TMPRSS11F: variants seen among roughly 807,000 people sequenced by gnomAD.
The protein encoded by TMPRSS11F is transmembrane protease serine 11F.
Under a neutral mutation model 60.2 loss-of-function variants are expected in TMPRSS11F, and 47 were observed. The ratio of observed to expected loss-of-function variants is 0.78; its 90% confidence interval spans 0.62 to 1.00. The LOEUF (loss-of-function observed/expected upper bound fraction) is 1.00. Ranked by LOEUF, TMPRSS11F falls within the 50% of genes least tolerant of loss-of-function variation. TMPRSS11F has a pLI of 0.00. For missense variants in TMPRSS11F, 519 were observed against 522.9 expected, an observed-to-expected ratio of 0.99 and a Z score of 0.07; for synonymous variants, 166 against 167.3, an observed-to-expected ratio of 0.99 and a Z score of 0.06.
Position 68,055,157 on chromosome 4 carries a change from G to A in TMPRSS11F, c.1159-1090C>T, listed in dbSNP as rs114539936. The stretch of plus-strand genomic sequence containing the variant: ...TGGATGTAGAGAGGAGTGTAAGAGG[G>A]GCAAATAGTGTGTGATGAGTCTGGA... On this transcript the variant is annotated intron_variant, in intron 9 of 9. Coordinates refer to ENST00000356291, the MANE Select transcript of TMPRSS11F (RefSeq NM_207407.2). Among the ~76,000 whole-genome samples, 772 of 152,270 alleles carry A rather than the reference G, an allele frequency of 5.1e-3. 7 individuals carry two copies. Among genetic ancestry groups the A allele is most frequent in the African/African-American group, 0.018 (750 of 41,546 alleles).
At chr4:68,108,615 T>C (rs939901165) in intron 1 of TMPRSS11F, among the ~76,000 whole-genome samples, 2 of 152,166 alleles carry the variant, frequency 1.3e-5, no homozygotes, top group Admixed American at 1.3e-4. Context: ...ATGTACCCAA[T>C]GAGCACACCT....
chr4:68,093,742 A>G (rs1724003395), intron 2 of TMPRSS11F, among the ~76,000 whole-genome samples: 1 of 152,030 alleles, frequency 6.6e-6, no homozygotes, highest in African/African-American at 2.4e-5. Flanking sequence ...GGCGAAGGAC[A>G]TGAACAGACA....
At chr4:68,062,964 A>G (rs1290743438) in intron 8 of TMPRSS11F, 1 of 736,564 alleles carries the variant, frequency 1.4e-6, no homozygotes. Context: ...TCTGGAACTG[A>G]CCCGTCTTCG....
chr4:68,063,785 T>C (rs1208698522), intron 8 of TMPRSS11F, among the ~76,000 whole-genome samples: 1 of 152,068 alleles, frequency 6.6e-6, no homozygotes, highest in African/African-American at 2.4e-5. Flanking sequence ...CCCTAGCAGG[T>C]TGGACACAGG....
intron 1 of TMPRSS11F, among the ~76,000 whole-genome samples, chr4:68,129,415 C>A (rs1233287124): frequency 6.6e-6 from 1 of 151,826 alleles, no homozygotes; most frequent in African/African-American, 2.4e-5. Flanking sequence ...ATTTAATTTT[C>A]CCAGAATATA....
intron 3 of TMPRSS11F, among the ~76,000 whole-genome samples, chr4:68,087,037 T>A (rs972329812): frequency 1.3e-5 from 2 of 152,078 alleles, no homozygotes; most frequent in African/African-American, 4.8e-5. Flanking sequence ...GCTAGCATCA[T>A]CCTGATACCA....
chr4:68,125,130 G>GT (rs1485145040), intron 1 of TMPRSS11F, among the ~76,000 whole-genome samples: 4 of 151,258 alleles, frequency 2.6e-5, no homozygotes, highest in African/African-American at 7.3e-5. Context: ...GTATTCAATG[G>GT]TTTTTTTAAC....
chr4:68,104,745 G>T (rs2109876067), intron 1 of TMPRSS11F, among the ~76,000 whole-genome samples: 1 of 152,206 alleles, frequency 6.6e-6, no homozygotes, highest in Admixed American at 6.5e-5. Flanking sequence ...CTTTGTCAGA[G>T]ATATTTTCAA....
intron 1 of TMPRSS11F, among the ~76,000 whole-genome samples, chr4:68,120,635 G>A (rs975616489): frequency 6.6e-6 from 1 of 151,880 alleles, no homozygotes; most frequent in African/African-American, 2.4e-5. Flanking sequence ...TGATCCGCCC[G>A]CCTCGGCCTC....
chr4:68,126,756 A>C (rs1281638135), intron 1 of TMPRSS11F, among the ~76,000 whole-genome samples: 3 of 152,252 alleles, frequency 2.0e-5, no homozygotes, highest in Non-Finnish European at 2.9e-5. Flanking sequence ...TACAAATAGA[A>C]GAGTGCCAAT....
intron 8 of TMPRSS11F, among the ~76,000 whole-genome samples, 182 bp from the exon 9 acceptor site, chr4:68,059,650 A>G (rs1441103297): frequency 6.6e-6 from 1 of 152,212 alleles, no homozygotes; most frequent in African/African-American, 2.4e-5. Flanking sequence ...ATGTTCCAGT[A>G]TTATATCACA....
intron 1 of TMPRSS11F, among the ~76,000 whole-genome samples, chr4:68,107,266 C>T (rs933353494): frequency 2.0e-5 from 3 of 152,124 alleles, no homozygotes; most frequent in African/African-American, 2.4e-5. Flanking sequence ...TGGATATGGC[C>T]GTACTAAGGA....
intron 8 of TMPRSS11F, chr4:68,062,967 C>T (rs1218295733): frequency 2.7e-6 from 2 of 728,630 alleles, no homozygotes; most frequent in African/African-American, 3.5e-5. Context: ...GGAACTGACC[C>T]GTCTTCGAGA....
At chr4:68,063,722 T>G (rs532722862) in intron 8 of TMPRSS11F, among the ~76,000 whole-genome samples, 62 of 152,268 alleles carry the variant, frequency 4.1e-4, no homozygotes, top group African/African-American at 1.3e-3. Flanking sequence ...CCTAGAAATC[T>G]TAAGTTCTGG....
At position 68,059,427 on chromosome 4, in the gene TMPRSS11F, T is replaced by C. The variant is rs1291348163; in HGVS notation, c.1057A>G (p.Ile353Val). ...NTLRQARVET[I>V]STDVCNRKDV... is the part of the protein sequence containing the mutation. ...TTTCTGTTACACACATCAGTGCTTA[T>C]GGTTTCCACTCTGGCTTGCCGAAGT... Residue 353 changes from isoleucine (I) to valine (V), a missense_variant, in exon 9 of 10, where the codon ATA becomes GTA. By Grantham distance (29) the Ile-to-Val change is conservative. Coordinates refer to ENST00000356291, the MANE Select transcript of TMPRSS11F (RefSeq NM_207407.2). 1 of 1,613,896 alleles carries C rather than the reference T, an allele frequency of 6.2e-7. No homozygotes were observed. Among genetic ancestry groups the C allele is most frequent in the Non-Finnish European group, 8.5e-7 (1 of 1,179,998 alleles).
intron 1 of TMPRSS11F, among the ~76,000 whole-genome samples, chr4:68,109,105 CTAACTA>C (rs745714836): frequency 5.3e-5 from 8 of 152,148 alleles, no homozygotes; most frequent in Non-Finnish European, 1.2e-4. Context: ...ATCTCCTACA[CTAACTA>C]TATTTTCTTA....
intron 3 of TMPRSS11F, among the ~76,000 whole-genome samples, chr4:68,075,084 T>C (rs1047861453): frequency 1.3e-5 from 2 of 152,190 alleles, no homozygotes; most frequent in African/African-American, 4.8e-5. Context: ...CCATGGTAAA[T>C]TTTGCCCCCA....
intron 1 of TMPRSS11F, among the ~76,000 whole-genome samples, chr4:68,129,185 T>C (rs1270663646): frequency 1.3e-5 from 2 of 152,130 alleles, no homozygotes; most frequent in African/African-American, 4.8e-5. Context: ...TACCTAAACA[T>C]AAATATATAA....
At chr4:68,074,060 A>C in intron 3 of TMPRSS11F, 51 bp from the exon 4 acceptor site, 1 of 1,171,684 alleles carries the variant, frequency 8.5e-7, no homozygotes, top group African/African-American at 1.6e-5. Flanking sequence ...AGTAAAATAA[A>C]AAAATAATTT....
Sources: allele counts gnomAD v4.1 joint callset (sites outside exome capture counted in the v4.1 genomes callset), GRCh38; gene constraint gnomAD v4.1.1; transcripts MANE v1.5; gene names NCBI Gene and HGNC (gene_info 2026-07-23, HGNC 2026-07-21).